Variants in LRP1B observed in about 807,000 individuals in gnomAD.
LRP1B encodes the protein low-density lipoprotein receptor-related protein 1B.
LRP1B carries 217 observed loss-of-function variants against 556.6 expected under a neutral mutation model. That is an observed-to-expected ratio of 0.39 (90% confidence interval 0.35 to 0.44). The LOEUF (loss-of-function observed/expected upper bound fraction) is 0.44. Ranked by LOEUF, LRP1B falls within the 20% of genes least tolerant of loss-of-function variation. LRP1B has a pLI of 1.00. For synonymous variants in LRP1B, 2,047 were observed against 1,865.8 expected (o/e 1.10, Z -2.50); for missense variants, 5,053 against 5,620.8 (o/e 0.90, Z 3.23).
intron 1 of LRP1B, among the ~76,000 whole-genome samples, chr2:142,007,006 T>G (rs2196354): frequency 0.025 from 3,871 of 152,260 alleles, 164 homozygotes; most frequent in East Asian, 0.17. Context: ...AGCTTGTCCT[T>G]GTCAAAAACA....
intron 7 of LRP1B, among the ~76,000 whole-genome samples, chr2:141,099,053 G>A (rs1700396590): frequency 6.6e-6 from 1 of 152,118 alleles, no homozygotes; most frequent in South Asian, 2.1e-4. Context: ...AAAAGCATAA[G>A]TCTAGGGGAC....
chr2:141,291,292 C>T (rs148601828), intron 3 of LRP1B, among the ~76,000 whole-genome samples: 286 of 152,180 alleles, frequency 1.9e-3, no homozygotes, highest in African/African-American at 6.3e-3. Flanking sequence ...AATATTTTCA[C>T]GAGTTTTTAT....
chr2:140,940,057 T>C lies in LRP1B; in HGVS notation c.3136+10178A>G, dbSNP rs540781403. On this transcript the variant is annotated intron_variant, in intron 20 of 90. Transcript: ENST00000389484. ...TGCCACCATAGCTAGCTAATTTTTGTATTTTTTGGTAGAGACAGGATTTCA... is the reference window on the plus strand; with the variant it reads ...TGCCACCATAGCTAGCTAATTTTTGCATTTTTTGGTAGAGACAGGATTTCA... 5.2e-4 allele frequency among the ~76,000 whole-genome samples: 79 copies of C among 151,998 alleles called. 1 individual carries two copies. Among genetic ancestry groups the C allele is most frequent in the Non-Finnish European group, 1.5e-5 (1 of 67,956 alleles).
chr2:141,482,496 C>A (rs1046143878), intron 2 of LRP1B, among the ~76,000 whole-genome samples: 1 of 151,760 alleles, frequency 6.6e-6, no homozygotes, highest in East Asian at 1.9e-4. Context: ...ATCTTTATTT[C>A]CATATATATA....
At chr2:140,359,515 A>G (rs977198902) in intron 72 of LRP1B, among the ~76,000 whole-genome samples, 4 of 151,652 alleles carry the variant, frequency 2.6e-5, no homozygotes, top group African/African-American at 4.8e-5. Context: ...AAAGACCACA[A>G]TGAAAGCCAG....
At chr2:142,057,480 G>A (rs1390182260) in intron 1 of LRP1B, among the ~76,000 whole-genome samples, 1 of 152,126 alleles carries the variant, frequency 6.6e-6, no homozygotes, top group Non-Finnish European at 1.5e-5. Context: ...TCAAAGTCTA[G>A]TGATACAGAA....
chr2:141,155,246 AT>A (rs1449564069), intron 7 of LRP1B, among the ~76,000 whole-genome samples: 1 of 151,838 alleles, frequency 6.6e-6, no homozygotes, highest in Non-Finnish European at 1.5e-5. Flanking sequence ...TACATTAGTA[AT>A]AAAAATAAAT....
chr2:141,604,183 C>A (rs929075353), intron 2 of LRP1B, among the ~76,000 whole-genome samples: 2 of 152,106 alleles, frequency 1.3e-5, no homozygotes, highest in Non-Finnish European at 2.9e-5. Flanking sequence ...TTTACTAAAG[C>A]AGCAAATCTT....
At chr2:141,597,758 A>G (rs1559166064) in intron 2 of LRP1B, among the ~76,000 whole-genome samples, 1 of 152,014 alleles carries the variant, frequency 6.6e-6, no homozygotes. Context: ...GTACTTATGT[A>G]GTTTTTCAAT....
chr2:140,882,760 C>A (rs572273345), intron 25 of LRP1B, among the ~76,000 whole-genome samples: 4 of 152,078 alleles, frequency 2.6e-5, no homozygotes, highest in Non-Finnish European at 5.9e-5. Flanking sequence ...GCCAGGAGGC[C>A]GACTTAGACA....
At chr2:141,740,765 C>A (rs1357578820) in intron 2 of LRP1B, among the ~76,000 whole-genome samples, 3 of 152,160 alleles carry the variant, frequency 2.0e-5, no homozygotes, top group Non-Finnish European at 4.4e-5. Flanking sequence ...AACATAGATA[C>A]CATGCCACCA....
At chr2:141,258,811 C>A (rs879755707) in intron 3 of LRP1B, among the ~76,000 whole-genome samples, 5 of 152,136 alleles carry the variant, frequency 3.3e-5, no homozygotes, top group Non-Finnish European at 5.9e-5. Context: ...CCATGTAAGA[C>A]GTGCCTCCTT....
Position 141,493,167 on chromosome 2 carries a change from C to T in LRP1B, c.206-12634G>A, listed in dbSNP as rs568303751. Among the ~76,000 whole-genome samples the T allele has an allele frequency of 3.9e-5, 6 of 152,242 alleles. No homozygotes were observed. In the East Asian group the frequency reaches 1.2e-3, roughly 29 times the overall value. ...AGAGGTTGAATACTTTCTTCAAGGTCACAGAGTTGTAACGCTATTATTTGA... is the reference window on the plus strand; with the variant it reads ...AGAGGTTGAATACTTTCTTCAAGGTTACAGAGTTGTAACGCTATTATTTGA... On this transcript the variant is annotated intron_variant, in intron 2 of 90. Transcript: ENST00000389484.
At chr2:141,085,369 G>T (rs1382936750) in intron 7 of LRP1B, among the ~76,000 whole-genome samples, 1 of 152,172 alleles carries the variant, frequency 6.6e-6, no homozygotes, top group Non-Finnish European at 1.5e-5. Flanking sequence ...GAATGTGACT[G>T]TATTTGAAAA....
chr2:140,589,447 A>G (rs944844191), intron 43 of LRP1B, among the ~76,000 whole-genome samples: 17 of 152,200 alleles, frequency 1.1e-4, no homozygotes, highest in African/African-American at 4.1e-4. Context: ...ACTCTTAGAC[A>G]TTTATTACAG....
chr2:141,743,947 C>G (rs1693816023), intron 2 of LRP1B, among the ~76,000 whole-genome samples: 1 of 30,820 alleles, frequency 3.2e-5, no homozygotes, highest in Non-Finnish European at 7.8e-5. Context: ...TTCCAATAAA[C>G]CAACTTTTTG....
At chr2:142,056,034 C>T (rs897945342) in intron 1 of LRP1B, among the ~76,000 whole-genome samples, 3 of 151,962 alleles carry the variant, frequency 2.0e-5, no homozygotes, top group Non-Finnish European at 2.9e-5. Flanking sequence ...GCCTGTAATC[C>T]CAGCTACTAG....
intron 35 of LRP1B, among the ~76,000 whole-genome samples, chr2:140,760,942 T>A (rs768431141): frequency 1.3e-5 from 2 of 151,978 alleles, no homozygotes; most frequent in Non-Finnish European, 2.9e-5. Flanking sequence ...GAAAAAGCCA[T>A]CCATCCTTTC....
At chr2:141,077,865 C>G (rs774932205) in intron 7 of LRP1B, among the ~76,000 whole-genome samples, 7 of 152,026 alleles carry the variant, frequency 4.6e-5, no homozygotes, top group African/African-American at 7.3e-5. Context: ...AATACAGTAT[C>G]CAAAATTCTT....
Sources: allele counts gnomAD v4.1 joint callset (sites outside exome capture counted in the v4.1 genomes callset), GRCh38; gene constraint gnomAD v4.1.1; transcripts MANE v1.5; gene names NCBI Gene and HGNC (gene_info 2026-07-23, HGNC 2026-07-21).